The following RER1 variants were observed in gnomAD, a reference collection of about 807,000 sequenced individuals.
RER1 encodes the protein protein RER1.
RER1 carries 6 observed loss-of-function variants against 28.3 expected under a neutral mutation model. The observed-to-expected ratio is 0.21, with a 90% CI of 0.12 to 0.42. The LOEUF is 0.42. Among genes scored for constraint, RER1 ranks in the 10% least tolerant of loss-of-function variants. The pLI is 1.00. For missense variants in RER1, 159 were observed against 252.9 expected, an observed-to-expected ratio of 0.63 and a Z score of 2.52; for synonymous variants, 110 against 95.9, an observed-to-expected ratio of 1.15 and a Z score of -0.86.
intron 5 of RER1, among the ~76,000 whole-genome samples, chr1:2,401,583 G>A (rs534926079): frequency 9.2e-5 from 14 of 151,390 alleles, no homozygotes; most frequent in African/African-American, 2.4e-4. Flanking sequence ...GTGTGCATCC[G>A]TTTGTCTTGT....
chr1:2,396,305 G>C (rs1172191319), intron 2 of RER1: 1 of 182,086 alleles, frequency 5.5e-6, no homozygotes, highest in African/African-American at 2.3e-5. Context: ...TGCATTGCTT[G>C]GTGAGTGAGG....
intron 5 of RER1, 33 bp downstream of exon 5, chr1:2,400,968 T>C: frequency 2.6e-6 from 4 of 1,562,630 alleles, no homozygotes; most frequent in Non-Finnish European, 3.5e-6. Context: ...TTGAAGAGAA[T>C]TGTGCTCAAG....
At chr1:2,392,707 G>T (rs1166872725) in intron 1 of RER1, among the ~76,000 whole-genome samples, 7 of 152,248 alleles carry the variant, frequency 4.6e-5, no homozygotes, top group African/African-American at 7.2e-5. Context: ...GGAAGATGCA[G>T]TTATCCCCGT....
chr1:2,395,206 C>G (rs1043738763), intron 1 of RER1: 1 of 155,750 alleles, frequency 6.4e-6, no homozygotes, highest in African/African-American at 2.4e-5. Context: ...GGAGCAGATA[C>G]GTTACCTCCG....
intron 2 of RER1, chr1:2,396,075 A>G (rs1001252551): frequency 6.9e-6 from 4 of 578,600 alleles, no homozygotes; most frequent in Admixed American, 3.0e-5. Context: ...TGGTCTATCA[A>G]ACATATGCGT....
intron 4 of RER1, among the ~76,000 whole-genome samples, chr1:2,399,930 G>A (rs1010906396): frequency 1.3e-5 from 2 of 152,234 alleles, no homozygotes; most frequent in Non-Finnish European, 2.9e-5. Context: ...TCACTGTGGT[G>A]CACAGAGACC....
Position 2,402,054 on chromosome 1 carries a change from T to C in RER1, c.366-153T>C, listed in dbSNP as rs757133202. 4 of 1,570,006 alleles carry C rather than the reference T, an allele frequency of 2.5e-6. No homozygotes were observed. The African/African-American group carries it at 4.1e-5, about 16-fold the overall frequency. ...ATGTCTGTGAGCTACATGCAAAGGG[T>C]CCTGCTGCTGCTGTGCCCAGGGTAG... On this transcript the variant is annotated intron_variant, in intron 5 of 6. Transcript: ENST00000605895.
intron 1 of RER1, among the ~76,000 whole-genome samples, chr1:2,392,258 G>T (rs1301993046): frequency 2.0e-5 from 3 of 152,156 alleles, no homozygotes; most frequent in Non-Finnish European, 4.4e-5. Flanking sequence ...CACCCGGGCC[G>T]CATCTCGTCC....
intron 6 of RER1, among the ~76,000 whole-genome samples, chr1:2,402,753 G>A (rs1642889208): frequency 6.6e-6 from 1 of 152,214 alleles, no homozygotes; most frequent in South Asian, 2.1e-4. Flanking sequence ...CTGTGCCCGG[G>A]GTGTTGGCTG....
rs1129332 is a variant in RER1 at position 2,404,771 on chromosome 1, C to T, written c.*1647C>T. On this transcript the variant is annotated 3_prime_UTR_variant, in exon 7 of 7. Coordinates refer to ENST00000605895, the MANE Select transcript of RER1 (RefSeq NM_007033.5). ...ACGCCCTCGAGGCATTTTAACACTGCGCTTCAGGAAATCTCAAGTTCCATC... is the reference window on the plus strand; with the variant it reads ...ACGCCCTCGAGGCATTTTAACACTGTGCTTCAGGAAATCTCAAGTTCCATC... The T allele has an allele frequency of 0.25, 37,465 of 152,352 alleles. 5,211 individuals carry two copies. Among genetic ancestry groups the T allele is most frequent in the East Asian group, 0.39 (2,025 of 5,176 alleles). The allele number at this position is 152,352 out of a possible 1,614,324, so 9.4% of individuals were successfully genotyped here.
intron 3 of RER1, among the ~76,000 whole-genome samples, chr1:2,397,639 C>T (rs1334131048): frequency 6.6e-6 from 1 of 152,188 alleles, no homozygotes; most frequent in East Asian, 1.9e-4. Context: ...GTAGCTTTTC[C>T]TGAGCTCTCC....
chr1:2,401,983 C>CT, intron 5 of RER1: 2 of 1,471,420 alleles, frequency 1.4e-6, no homozygotes, highest in South Asian at 2.8e-5. Flanking sequence ...AGAATTGTGT[C>CT]TTTCAAGGGA....
chr1:2,401,528 C>T (rs761331591), intron 5 of RER1, among the ~76,000 whole-genome samples: 1 of 149,834 alleles, frequency 6.7e-6, no homozygotes, highest in African/African-American at 2.5e-5. Flanking sequence ...CGTGTCTGCA[C>T]GGGTAGGCAG....
At chr1:2,398,718 C>T (rs933247948) in intron 3 of RER1, among the ~76,000 whole-genome samples, 7 of 152,224 alleles carry the variant, frequency 4.6e-5, no homozygotes, top group African/African-American at 7.2e-5. Flanking sequence ...ATTGAGAATG[C>T]GGTTCTGGCT....
chr1:2,397,681 A>G (rs1234977434), intron 3 of RER1, among the ~76,000 whole-genome samples: 2 of 152,174 alleles, frequency 1.3e-5, no homozygotes, highest in Non-Finnish European at 2.9e-5. Flanking sequence ...GTGCAGGTTG[A>G]GACGCCGAGT....
chr1:2,397,968 G>A (rs572640211), intron 3 of RER1, among the ~76,000 whole-genome samples: 1 of 150,274 alleles, frequency 6.7e-6, no homozygotes, highest in African/African-American at 2.4e-5. Context: ...CTTGTTTAAA[G>A]CACACACCTT....
In RER1 at chr1:2,391,871, G is replaced by C; in HGVS notation, c.-95G>C. ...CTCGCTGCAGCTTCCCGGAGCCGGA[G>C]CGCAGCGCCTGCGGCCGCCCGTGCC... On this transcript the variant is annotated 5_prime_UTR_variant, in exon 1 of 7. Transcript: ENST00000605895. The C allele has an allele frequency of 3.6e-6, 1 of 275,564 alleles. No individual in the cohort carries two copies. Among genetic ancestry groups the C allele is most frequent in the Non-Finnish European group, 6.7e-6 (1 of 148,982 alleles). 17.1% of individuals were successfully genotyped at this position (275,564 alleles called of 1,614,324 possible). A position where few individuals can be genotyped will look rare whatever the true frequency, so the allele number is the denominator to read the frequency against.
chr1:2,401,045 C>A, intron 5 of RER1, 110 bp downstream of exon 5: 1 of 927,180 alleles, frequency 1.1e-6, no homozygotes, highest in Non-Finnish European at 1.8e-6. Flanking sequence ...CTGTGCTGGG[C>A]TGGGCACGGG....
At chr1:2,401,231 T>TCCCTCCTTCC (rs1642845196) in intron 5 of RER1, among the ~76,000 whole-genome samples, 1 of 70,926 alleles carries the variant, frequency 1.4e-5, no homozygotes. Flanking sequence ...CCTCCTCCCT[T>TCCCTCCTTCC]CCTCCCTCCT....
Sources: allele counts gnomAD v4.1 joint callset (sites outside exome capture counted in the v4.1 genomes callset), GRCh38; gene constraint gnomAD v4.1.1; transcripts MANE v1.5; gene names NCBI Gene and HGNC (gene_info 2026-07-23, HGNC 2026-07-21).